The following CDH1 variants were observed in gnomAD, a reference collection of about 807,000 sequenced individuals.
CDH1 encodes cadherin-1.
A neutral mutation model predicts 84.5 loss-of-function variants in CDH1; 35 were observed. That is an observed-to-expected ratio of 0.41 (90% CI 0.32 to 0.55). The LOEUF is 0.55. CDH1 is among the 20% of genes least tolerant of loss of function. The probability of loss-of-function intolerance (pLI) is 0.19; values close to 1 mark genes in which losing one functional copy is unlikely to be tolerated. For synonymous variants in CDH1, 417 were observed against 439.0 expected (o/e 0.95, Z 0.63); for missense variants, 994 against 1,126.6 (o/e 0.88, Z 1.68).
intron 3 of CDH1, among the ~76,000 whole-genome samples, chr16:68,804,273 C>T (rs1286638055): frequency 6.6e-6 from 1 of 151,944 alleles, no homozygotes; most frequent in East Asian, 1.9e-4. Context: ...GCCACCACGC[C>T]TGGCTTATTT....
At chr16:68,805,878 G>A (rs1960642295) in intron 3 of CDH1, among the ~76,000 whole-genome samples, 1 of 152,142 alleles carries the variant, frequency 6.6e-6, no homozygotes, top group South Asian at 2.1e-4. Flanking sequence ...TGGGATTACA[G>A]GCATGAGCCA....
intron 2 of CDH1, among the ~76,000 whole-genome samples, chr16:68,743,328 TTTC>T (rs778913532): frequency 0.03 from 791 of 26,258 alleles, 37 homozygotes; most frequent in Non-Finnish European, 0.047. Flanking sequence ...TCTTTCTTTC[TTTC>T]TTTCTTTCTT....
chr16:68,826,180 A>G (rs1008298891), intron 13 of CDH1, among the ~76,000 whole-genome samples: 1 of 152,030 alleles, frequency 6.6e-6, no homozygotes, highest in East Asian at 1.9e-4. Flanking sequence ...GGATTACCTA[A>G]ATTTGCTATG....
intron 11 of CDH1, 150 bp downstream of exon 11, chr16:68,819,575 G>A: frequency 1.1e-6 from 1 of 908,580 alleles, no homozygotes. Context: ...TGGAGTACAA[G>A]GGTAATTTTG....
intron 3 of CDH1, among the ~76,000 whole-genome samples, chr16:68,802,595 T>C (rs1398060768): frequency 1.3e-5 from 2 of 151,940 alleles, no homozygotes; most frequent in Non-Finnish European, 2.9e-5. Flanking sequence ...CTCCACCTCC[T>C]GAGTAGCTGG....
At chr16:68,810,031 C>T (rs1366042087) in intron 5 of CDH1, among the ~76,000 whole-genome samples, 166 bp from the exon 6 acceptor site, 1 of 152,116 alleles carries the variant, frequency 6.6e-6, no homozygotes, top group East Asian at 1.9e-4. Flanking sequence ...TTGTTATAAT[C>T]TCACTGAAGC....
At chr16:68,785,012 T>G (rs1436212539) in intron 2 of CDH1, among the ~76,000 whole-genome samples, 3 of 151,884 alleles carry the variant, frequency 2.0e-5, no homozygotes, top group Admixed American at 6.6e-5. Context: ...TATGTTCACA[T>G]GGACACCATT....
At chr16:68,765,525 A>T (rs1974873) in intron 2 of CDH1, 137,192 of 152,162 alleles carry the variant, frequency 0.9, 62,175 homozygotes, top group African/African-American at 0.98. Flanking sequence ...GGATTTGGTC[A>T]ATGATTAATC....
intron 2 of CDH1, among the ~76,000 whole-genome samples, chr16:68,799,602 C>T (rs966806377): frequency 6.6e-6 from 1 of 152,108 alleles, no homozygotes; most frequent in African/African-American, 2.4e-5. Context: ...CTTATGAGCA[C>T]CTGGAATTCA....
chr16:68,824,503 A>G lies in CDH1; in HGVS notation c.2164+877A>G, dbSNP rs140604520. 7.0e-3 allele frequency among the ~76,000 whole-genome samples: 1,065 copies of G among 152,120 alleles called. 14 individuals are homozygous for G. The highest frequency in any genetic ancestry group is 0.024 in the African/African-American group (1,016 of 41,498). On this transcript the variant is annotated intron_variant, in intron 13 of 15. Transcript: ENST00000261769. ...CAAACGACTGGAAGTTGCATATATC[A>G]CCTCCACTTATATACCATTGGCCCA...
chr16:68,801,370 C>T (rs1656315319), intron 2 of CDH1, among the ~76,000 whole-genome samples: 2 of 152,140 alleles, frequency 1.3e-5, no homozygotes, highest in Non-Finnish European at 1.5e-5. Context: ...CCCACCTTGG[C>T]CTCCCAAAAT....
intron 2 of CDH1, among the ~76,000 whole-genome samples, chr16:68,773,404 C>G (rs1300286329): frequency 6.6e-6 from 1 of 150,446 alleles, no homozygotes; most frequent in Non-Finnish European, 1.5e-5. Flanking sequence ...TCAAGTGATT[C>G]TCCTGCCTCA....
intron 1 of CDH1, 74 bp from the exon 2 acceptor site, chr16:68,738,223 G>T: frequency 1.0e-6 from 1 of 981,182 alleles, no homozygotes; most frequent in Non-Finnish European, 1.6e-6. Flanking sequence ...AGGGAGGGGC[G>T]GCGCTGTTGG....
chr16:68,798,483 G>A (rs1478423026), intron 2 of CDH1, among the ~76,000 whole-genome samples: 3 of 152,138 alleles, frequency 2.0e-5, no homozygotes, highest in African/African-American at 7.2e-5. Context: ...TGAGTCTTAT[G>A]AGCACCTGGA....
At chr16:68,775,237 A>C (rs1275622434) in intron 2 of CDH1, among the ~76,000 whole-genome samples, 1 of 152,096 alleles carries the variant, frequency 6.6e-6, no homozygotes, top group Non-Finnish European at 1.5e-5. Context: ...GCACTTTATG[A>C]GCCATTTGAA....
rs587782359 is a variant in CDH1, at chr16:68,812,244, C to T, written c.1118C>T (p.Pro373Leu). ...GTCACTGACACCAACGATAATCCTC[C>T]GATCTTCAATCCCACCACGGTAATT... ...ITVTDTNDNP[P>L]IFNPTTYKGQ... Residue 373 changes from proline (P) to leucine (L), a missense_variant, in exon 8 of 16, where the codon CCG (proline) becomes CTG (leucine). This residue lies in a region of CDH1 where 769 missense variants were observed against 881.8 expected (regional missense o/e 0.87). Transcript: ENST00000261769. The T allele has an allele frequency of 1.5e-5, 24 of 1,614,008 alleles. No individual in the cohort carries two copies. In the East Asian group the frequency reaches 2.0e-4, roughly 13 times the overall value.
At position 68,739,253 on chromosome 16, in the gene CDH1, A is replaced by C. The variant is rs147947357; in HGVS notation, c.163+842A>C. 9.5e-3 allele frequency among the ~76,000 whole-genome samples: 1,450 copies of C among 151,870 alleles called. 27 individuals are homozygous for C. The highest frequency in any genetic ancestry group is 0.033 in the African/African-American group (1,366 of 41,438). On this transcript the variant is annotated intron_variant, in intron 2 of 15. Coordinates refer to ENST00000261769, the MANE Select transcript of CDH1 (RefSeq NM_004360.5). Reference sequence around the variant, plus strand: ...CATGGTGAAACCCCATCTCTACTAAATAAAAATATAAAAATTAGCCGGGCA... The same window carrying C: ...CATGGTGAAACCCCATCTCTACTAACTAAAAATATAAAAATTAGCCGGGCA...
chr16:68,796,915 A>G (rs762487987), intron 2 of CDH1, among the ~76,000 whole-genome samples: 3 of 152,134 alleles, frequency 2.0e-5, no homozygotes, highest in Non-Finnish European at 4.4e-5. Flanking sequence ...AGGTTGGTGG[A>G]TCGCTTGAGG....
At chr16:68,807,546 G>A (rs947415202) in intron 3 of CDH1, among the ~76,000 whole-genome samples, 1 of 152,008 alleles carries the variant, frequency 6.6e-6, no homozygotes, top group East Asian at 1.9e-4. Flanking sequence ...GCACATGGTG[G>A]TGCATGGTGG....
Sources: allele counts gnomAD v4.1 joint callset (sites outside exome capture counted in the v4.1 genomes callset), GRCh38; gene constraint gnomAD v4.1.1; regional missense constraint gnomAD v4.1.1; transcripts MANE v1.5; gene names NCBI Gene and HGNC (gene_info 2026-07-23, HGNC 2026-07-21).